Variants in ASAP1 observed in about 807,000 individuals in gnomAD.
ASAP1 encodes the protein arf-GAP with SH3 domain, ANK repeat and PH domain-containing protein 1.
Under a neutral mutation model 145.2 loss-of-function variants are expected in ASAP1, and 43 were observed. The observed-to-expected ratio is 0.30, with a 90% confidence interval of 0.23 to 0.38. The LOEUF (loss-of-function observed/expected upper bound fraction) is 0.38. Ranked by LOEUF, ASAP1 falls within the 10% of genes least tolerant of loss-of-function variation. The pLI is 1.00. For synonymous variants in ASAP1, 546 were observed against 515.5 expected, an observed-to-expected ratio of 1.06 and a Z score of -0.80; for missense variants, 1,018 against 1,355.3, an observed-to-expected ratio of 0.75 and a Z score of 3.91.
At chr8:130,268,487 TAAA>T (rs1308054518) in intron 3 of ASAP1, among the ~76,000 whole-genome samples, 2 of 68,138 alleles carry the variant, frequency 2.9e-5, no homozygotes, top group Non-Finnish European at 5.6e-5. Flanking sequence ...GATCCCGTCT[TAAA>T]ACACACACAC....
intron 4 of ASAP1, among the ~76,000 whole-genome samples, chr8:130,219,656 T>G (rs1452235896): frequency 6.6e-6 from 1 of 152,056 alleles, no homozygotes; most frequent in African/African-American, 2.4e-5. Context: ...TTAGGGTAAG[T>G]AGGTGAGAAA....
chr8:130,355,238 A>C (rs1442560452), intron 3 of ASAP1, among the ~76,000 whole-genome samples: 3 of 152,182 alleles, frequency 2.0e-5, no homozygotes, highest in Non-Finnish European at 4.4e-5. Context: ...TTTAACTAAA[A>C]GCATCAACAT....
chr8:130,209,490 TA>T (rs1203287649), intron 5 of ASAP1, among the ~76,000 whole-genome samples: 1 of 150,372 alleles, frequency 6.7e-6, no homozygotes, highest in African/African-American at 2.5e-5. Context: ...GTCTTAAGCA[TA>T]AATCAAGGCA....
intron 3 of ASAP1, among the ~76,000 whole-genome samples, chr8:130,302,311 G>T (rs1349750882): frequency 6.6e-6 from 1 of 152,210 alleles, no homozygotes; most frequent in Non-Finnish European, 1.5e-5. Flanking sequence ...TTAGAAGGGG[G>T]TGAGTATGTC....
chr8:130,353,847 G>C (rs1455258512), intron 3 of ASAP1, among the ~76,000 whole-genome samples: 1 of 149,472 alleles, frequency 6.7e-6, no homozygotes, highest in East Asian at 1.9e-4. Context: ...CTGCAGCCTC[G>C]GCGACAGAGT....
chr8:130,350,867 G>A (rs1825953509), intron 3 of ASAP1, among the ~76,000 whole-genome samples: 1 of 152,240 alleles, frequency 6.6e-6, no homozygotes, highest in Non-Finnish European at 1.5e-5. Context: ...GCAACTGAGA[G>A]TAGTGGTTCT....
intron 4 of ASAP1, among the ~76,000 whole-genome samples, chr8:130,227,396 G>A (rs1160677703): frequency 6.6e-6 from 1 of 152,046 alleles, no homozygotes; most frequent in African/African-American, 2.4e-5. Flanking sequence ...GGAACCACAG[G>A]TGCATGCCAC....
chr8:130,167,643 C>A (rs774546999), intron 10 of ASAP1, 21 bp from the exon 11 acceptor site: 3 of 1,536,992 alleles, frequency 2.0e-6, no homozygotes, highest in Non-Finnish European at 2.7e-6. Flanking sequence ...AAAATTACTT[C>A]TATTACTTAC....
At chr8:130,395,983 A>G (rs1053195422) in intron 2 of ASAP1, among the ~76,000 whole-genome samples, 2 of 152,088 alleles carry the variant, frequency 1.3e-5, no homozygotes, top group Admixed American at 6.6e-5. Flanking sequence ...TGTTGTTTTA[A>G]GCCACCAAGT....
intron 3 of ASAP1, among the ~76,000 whole-genome samples, chr8:130,300,147 C>CAGAGAGAGAGAGAG (rs767665838): frequency 9.0e-5 from 9 of 100,336 alleles, no homozygotes; most frequent in African/African-American, 3.3e-4. Context: ...CACACACACA[C>CAGAGAGAGAGAGAG]ACACACAGAG....
At chr8:130,294,948 G>C (rs1439705541) in intron 3 of ASAP1, among the ~76,000 whole-genome samples, 1 of 152,136 alleles carries the variant, frequency 6.6e-6, no homozygotes, top group Non-Finnish European at 1.5e-5. Flanking sequence ...AGGGTTGTTG[G>C]ATTAACAGCG....
intron 27 of ASAP1, among the ~76,000 whole-genome samples, chr8:130,065,343 G>T (rs1247848660): frequency 6.6e-6 from 1 of 152,144 alleles, no homozygotes; most frequent in Non-Finnish European, 1.5e-5. Context: ...CTTTCCTGTT[G>T]GCCTCCACGG....
chr8:130,399,268 C>A (rs1223453909), intron 2 of ASAP1, among the ~76,000 whole-genome samples: 1 of 152,198 alleles, frequency 6.6e-6, no homozygotes, highest in Non-Finnish European at 1.5e-5. Flanking sequence ...ATCTGTGTTA[C>A]TTGTACCTGA....
intron 17 of ASAP1, among the ~76,000 whole-genome samples, chr8:130,125,631 T>C (rs951758305): frequency 6.6e-6 from 1 of 152,170 alleles, no homozygotes; most frequent in African/African-American, 2.4e-5. Flanking sequence ...ATGTGAACAT[T>C]TGAGTTTAAC....
At chr8:130,249,817 C>T (rs775325957) in intron 3 of ASAP1, among the ~76,000 whole-genome samples, 3 of 152,076 alleles carry the variant, frequency 2.0e-5, no homozygotes, top group Non-Finnish European at 2.9e-5. Context: ...GCCCAGTGTA[C>T]AGAAACTGGA....
chr8:130,407,727 T>C (rs938153126), intron 1 of ASAP1, among the ~76,000 whole-genome samples: 3 of 152,272 alleles, frequency 2.0e-5, no homozygotes, highest in African/African-American at 4.8e-5. Context: ...GAATTCCTGA[T>C]GCCATGCAGG....
At chr8:130,061,723 T>C (rs2097420064) in intron 27 of ASAP1, among the ~76,000 whole-genome samples, 1 of 152,232 alleles carries the variant, frequency 6.6e-6, no homozygotes, top group Non-Finnish European at 1.5e-5. Context: ...TTAAAAACCA[T>C]ACAAGGGATA....
At chr8:130,095,139 CTAAT>C (rs2097514526) in intron 24 of ASAP1, among the ~76,000 whole-genome samples, 1 of 152,076 alleles carries the variant, frequency 6.6e-6, no homozygotes, top group Non-Finnish European at 1.5e-5. Flanking sequence ...AGTATAATCT[CTAAT>C]TAAGTCTTTG....
In ASAP1 at chr8:130,060,739, G is replaced by A; in HGVS notation, c.3032C>T (p.Ala1011Val). 1 of 1,614,174 alleles carries A rather than the reference G, an allele frequency of 6.2e-7. No homozygotes were observed. Among genetic ancestry groups the A allele is most frequent in the Non-Finnish European group, 8.5e-7 (1 of 1,180,044 alleles). Residue 1011 changes from alanine to valine, a missense_variant, in exon 28 of 30, where the codon GCT becomes GTT. Ala to Val is a moderately conservative substitution (Grantham distance 64). This residue lies in a region of ASAP1 where 139 missense variants were observed against 131.0 expected (regional missense o/e 1.06). Transcript: ENST00000518721. Reference sequence around the variant, plus strand: ...CAGTGTGACCTCAGAGGGTTGCTGAGCCTTGGGTGAGACATCTCCAGTCTG... The same window carrying A: ...CAGTGTGACCTCAGAGGGTTGCTGAACCTTGGGTGAGACATCTCCAGTCTG... ...KSQTGDVSPK[A>V]QQPSEVTLKS...
Sources: gnomAD v4.1 joint callset for allele counts (sites outside exome capture counted in the v4.1 genomes callset) on GRCh38, gnomAD v4.1.1 for gene constraint, gnomAD v4.1.1 regional missense constraint, MANE v1.5 for transcripts, NCBI Gene and HGNC (gene_info 2026-07-23, HGNC 2026-07-21) for gene names.